Variants in TNRC6B observed in about 807,000 individuals in gnomAD.
The protein encoded by TNRC6B is trinucleotide repeat-containing gene 6B protein.
TNRC6B carries 52 observed loss-of-function variants against 203.6 expected under a neutral mutation model. That is an observed-to-expected ratio of 0.26 (90% CI 0.20 to 0.32). The LOEUF is 0.32. TNRC6B is among the 10% of genes least tolerant of loss of function. TNRC6B has a pLI of 1.00. For missense variants in TNRC6B, 1,923 were observed against 2,286.2 expected, an observed-to-expected ratio of 0.84 and a Z score of 3.24; for synonymous variants, 838 against 845.7, an observed-to-expected ratio of 0.99 and a Z score of 0.16.
intron 1 of TNRC6B, among the ~76,000 whole-genome samples, chr22:40,066,139 T>C (rs1356745841): frequency 6.6e-6 from 1 of 152,110 alleles, no homozygotes; most frequent in Non-Finnish European, 1.5e-5. Flanking sequence ...CCCCCTGGGT[T>C]TCCCTCCCTG....
At chr22:40,294,511 A>G (rs1160839173) in intron 12 of TNRC6B, among the ~76,000 whole-genome samples, 3 of 152,186 alleles carry the variant, frequency 2.0e-5, no homozygotes, top group Non-Finnish European at 4.4e-5. Context: ...CAAAGACTCT[A>G]TTTCCAAATG....
intron 2 of TNRC6B, among the ~76,000 whole-genome samples, chr22:40,124,298 A>G (rs1216356291): frequency 1.3e-5 from 2 of 151,374 alleles, no homozygotes; most frequent in African/African-American, 2.4e-5. Context: ...CACAAAAAAC[A>G]TACACTACCA....
intron 5 of TNRC6B, among the ~76,000 whole-genome samples, chr22:40,267,399 G>A (rs1074663): frequency 0.32 from 48,229 of 152,072 alleles, 9,483 homozygotes; most frequent in East Asian, 0.57. Context: ...TTTCCATTCT[G>A]GTTCTACCCA....
intron 3 of TNRC6B, among the ~76,000 whole-genome samples, chr22:40,152,019 C>A (rs138847948): frequency 1.3e-4 from 20 of 152,140 alleles, no homozygotes; most frequent in African/African-American, 4.6e-4. Context: ...ACAAGAGATT[C>A]TAGATTATAA....
chr22:40,209,730 G>C (rs2069534690), intron 1 of TNRC6B, among the ~76,000 whole-genome samples: 2 of 152,142 alleles, frequency 1.3e-5, no homozygotes, highest in African/African-American at 4.8e-5. Context: ...CTGGGATAAA[G>C]AGAATGCAGG....
chr22:40,277,906 G>A (rs2070667702), intron 8 of TNRC6B, 93 bp from the exon 9 acceptor site: 1 of 890,176 alleles, frequency 1.1e-6, no homozygotes, highest in Middle Eastern at 2.1e-4. Flanking sequence ...TATGGTGCCA[G>A]TAGTAAGACG....
chr22:40,171,660 C>T (rs935053024), intron 4 of TNRC6B, among the ~76,000 whole-genome samples: 1 of 152,026 alleles, frequency 6.6e-6, no homozygotes, highest in African/African-American at 2.4e-5. Flanking sequence ...GATAAAATGG[C>T]GCTGTTTTCT....
chr22:40,302,759 G>A (rs1366662505), intron 15 of TNRC6B, among the ~76,000 whole-genome samples: 1 of 152,186 alleles, frequency 6.6e-6, no homozygotes, highest in Non-Finnish European at 1.5e-5. Flanking sequence ...GCACGTGCAG[G>A]GGGTGAGCAA....
At chr22:40,285,849 G>T (rs2146528530) in intron 12 of TNRC6B, 79 bp downstream of exon 12, 1 of 1,529,076 alleles carries the variant, frequency 6.5e-7, no homozygotes, top group East Asian at 2.3e-5. Context: ...ATTTTTGTGG[G>T]CATAAAAAGA....
chr22:40,250,668 T>TG lies in TNRC6B; in HGVS notation c.94-506dup, dbSNP rs770550350. Among the ~76,000 whole-genome samples, 19 of 152,292 alleles carry TG rather than the reference T, an allele frequency of 1.2e-4. No homozygotes were observed. The East Asian group carries it at 2.9e-3, about 23-fold the overall frequency. On this transcript the variant is annotated intron_variant, in intron 2 of 22. Coordinates refer to ENST00000454349, the MANE Select transcript of TNRC6B (RefSeq NM_001162501.2). ...CTCCATTCAATAGATAATAGAAAAC[T>TG]GGGGGTCTCATAGCCAGAAAGTGAC...
chr22:40,110,537 T>C (rs2068323418), intron 1 of TNRC6B, among the ~76,000 whole-genome samples: 1 of 152,260 alleles, frequency 6.6e-6, no homozygotes, highest in South Asian at 2.1e-4. Flanking sequence ...TTCTCAAGCC[T>C]TTTCTGTTAA....
intron 1 of TNRC6B, among the ~76,000 whole-genome samples, chr22:40,103,187 G>A (rs943889696): frequency 6.6e-6 from 1 of 151,704 alleles, no homozygotes; most frequent in East Asian, 1.9e-4. Flanking sequence ...AGAATGGCTT[G>A]AACCCAGGAG....
Position 40,301,172 on chromosome 22 carries a change from TGCA to T in TNRC6B, c.3982_3984del (p.Gln1328del), listed in dbSNP as rs139908. 0.25 allele frequency: 368,009 copies of T among 1,484,802 alleles called. 39,366 individuals are homozygous for T. Among genetic ancestry groups the T allele is most frequent in the African/African-American group, 0.41 (28,956 of 71,472 alleles). The allele number at this position is 1,484,802 out of a possible 1,614,324, so 92.0% of individuals were successfully genotyped here. A position where few individuals can be genotyped will look rare whatever the true frequency, so the allele number is the denominator to read the frequency against. ...CAGCTGGCTCGAATGGTGAGTGCAC[TGCA>T]GCAGCAGCAGCAGCAGCAGCAGAGG... On this transcript the variant is annotated inframe_deletion, in exon 15 of 23. Coordinates refer to ENST00000454349, the MANE Select transcript of TNRC6B (RefSeq NM_001162501.2).
At chr22:40,065,459 AT>A (rs57355287) in intron 1 of TNRC6B, among the ~76,000 whole-genome samples, 6,736 of 152,012 alleles carry the variant, frequency 0.044, 482 homozygotes, top group African/African-American at 0.15. Flanking sequence ...CTTTATAGGA[AT>A]TTTTTTTATT....
At chr22:40,271,805 C>A (rs996167051) in intron 6 of TNRC6B, among the ~76,000 whole-genome samples, 1 of 152,176 alleles carries the variant, frequency 6.6e-6, no homozygotes, top group Non-Finnish European at 1.5e-5. Flanking sequence ...CACATCCTTT[C>A]TGTGGGTAAG....
chr22:40,207,577 T>G (rs2069499274), intron 1 of TNRC6B, among the ~76,000 whole-genome samples: 1 of 151,788 alleles, frequency 6.6e-6, no homozygotes, highest in African/African-American at 2.4e-5. Context: ...TTTCAGTACC[T>G]GTGATCAACA....
intron 1 of TNRC6B, among the ~76,000 whole-genome samples, chr22:40,087,989 G>A (rs943250333): frequency 6.6e-6 from 1 of 152,122 alleles, no homozygotes; most frequent in Non-Finnish European, 1.5e-5. Flanking sequence ...CCTATTTCTC[G>A]AGGGTCCTTT....
intron 3 of TNRC6B, among the ~76,000 whole-genome samples, chr22:40,154,845 A>C (rs1218158756): frequency 3.8e-5 from 1 of 26,412 alleles, no homozygotes; most frequent in Non-Finnish European, 7.0e-5. Context: ...TATCTCAAAA[A>C]AAAAAAAAAA....
intron 1 of TNRC6B, among the ~76,000 whole-genome samples, chr22:40,230,580 C>T (rs1379947501): frequency 6.6e-6 from 1 of 152,106 alleles, no homozygotes; most frequent in African/African-American, 2.4e-5. Context: ...GTGTGAGCCA[C>T]CATGCCCGGC....
Sources: gnomAD v4.1 joint callset for allele counts (sites outside exome capture counted in the v4.1 genomes callset) on GRCh38, gnomAD v4.1.1 for gene constraint, MANE v1.5 for transcripts, NCBI Gene and HGNC (gene_info 2026-07-23, HGNC 2026-07-21) for gene names.